The following HSPG2 variants were observed in gnomAD, a reference collection of about 807,000 sequenced individuals.
HSPG2 encodes the protein heparan sulfate proteoglycan 2, also known as basement membrane-specific heparan sulfate proteoglycan core protein.
HSPG2 carries 278 observed loss-of-function variants against 526.6 expected under a neutral mutation model. The ratio of observed to expected loss-of-function variants is 0.53; its 90% CI spans 0.48 to 0.58. The LOEUF (loss-of-function observed/expected upper bound fraction) is 0.58, where lower values mean the gene tolerates loss of function less well. Ranked by LOEUF, HSPG2 falls within the 20% of genes least tolerant of loss-of-function variation. The probability of loss-of-function intolerance (pLI) is 0.00; values close to 1 mark genes in which losing one functional copy is unlikely to be tolerated. For missense variants in HSPG2, 5,354 were observed against 6,099.5 expected, an observed-to-expected ratio of 0.88 and a Z score of 4.07; for synonymous variants, 2,465 against 2,555.4, an observed-to-expected ratio of 0.96 and a Z score of 1.07.
rs752605742 is a variant in HSPG2 at position 21,864,087 on chromosome 1, G to C, written c.4740+13C>G. On this transcript the variant is annotated intron_variant, in intron 37 of 96. Coordinates refer to ENST00000374695, the MANE Select transcript of HSPG2 (RefSeq NM_005529.7). The surrounding 1 kb of genome is among the most constrained non-coding windows in gnomAD (Gnocchi z 4.8). ...TGAGCTGACCCCCTGTCCTGGCCTC[G>C]CTTGCAGCTCACCGAGCAGGCCCCA... 15 of 1,544,694 alleles carry C rather than the reference G, an allele frequency of 9.7e-6. No individual in the cohort carries two copies. Among genetic ancestry groups the C allele is most frequent in the Admixed American group, 2.0e-5 (1 of 51,058 alleles).
chr1:21,911,471 G>A (rs923207581), intron 1 of HSPG2, among the ~76,000 whole-genome samples: 2 of 151,518 alleles, frequency 1.3e-5, no homozygotes, highest in Admixed American at 6.6e-5. Context: ...GAGTGGGGGT[G>A]TGGAGGGGGT....
Position 21,822,250 on chromosome 1 carries a change from G to C in HSPG2, c.*1066C>G, listed in dbSNP as rs200353436. On this transcript the variant is annotated 3_prime_UTR_variant, in exon 97 of 97. Transcript: ENST00000374695. ...CAAAGACTCAGGAGGCCCCTGGCGG[G>C]GATAGCACCGTTTATTAAGAAAAAT... The C allele has an allele frequency of 6.3e-7, 1 of 1,599,520 alleles. No individual in the cohort carries two copies.
chr1:21,896,138 C>G, intron 2 of HSPG2, 37 bp downstream of exon 2: 1 of 1,613,612 alleles, frequency 6.2e-7, no homozygotes, highest in Non-Finnish European at 8.5e-7. Context: ...GTCTCACCCC[C>G]CACCCCTCTG....
At chr1:21,833,728 C>G in intron 78 of HSPG2, 88 bp downstream of exon 78, 1 of 1,548,658 alleles carries the variant, frequency 6.5e-7, no homozygotes, top group Non-Finnish European at 8.9e-7. Flanking sequence ...CTTGGCCAAG[C>G]CTGTGCCACA....
rs377202096 is a variant in HSPG2, at chr1:21,885,441, A to T, written c.1089T>A (p.Arg363=). 187 of 1,613,834 alleles carry T rather than the reference A, an allele frequency of 1.2e-4. No homozygotes were observed. The highest frequency in any genetic ancestry group is 4.9e-4 in the Middle Eastern group (3 of 6,082). ...GTGTGGGCCCGCACACTTCCTCAGGACGCTTGGTGGCTGGGGACAAAGCCA... is the reference window on the plus strand; with the variant it reads ...GTGTGGGCCCGCACACTTCCTCAGGTCGCTTGGTGGCTGGGGACAAAGCCA... ...RTDEANCPTK[R]PEEVCGPTQF... is the part of the protein sequence containing the mutation. Residue 363 remains arginine (R), a synonymous_variant, in exon 10 of 97, where the codon CGT becomes CGA. Coordinates refer to ENST00000374695, the MANE Select transcript of HSPG2 (RefSeq NM_005529.7).
chr1:21,843,791 C>CAGATT (rs1449747645), intron 65 of HSPG2, among the ~76,000 whole-genome samples: 4 of 152,184 alleles, frequency 2.6e-5, no homozygotes, highest in African/African-American at 9.7e-5. Context: ...GGATTACAGG[C>CAGATT]ATCTGCCACC....
At chr1:21,927,270 AG>A (rs1022200218) in intron 1 of HSPG2, among the ~76,000 whole-genome samples, 1 of 144,844 alleles carries the variant, frequency 6.9e-6, no homozygotes, top group East Asian at 1.9e-4. Context: ...CCTGATGGGG[AG>A]GGGGGACACA....
Position 21,839,647 on chromosome 1 carries a change from C to T in HSPG2, c.9710-97G>A. 4 of 1,472,992 alleles carry T rather than the reference C, an allele frequency of 2.7e-6. No individual in the cohort carries two copies. Among genetic ancestry groups the T allele is most frequent in the Non-Finnish European group, 3.7e-6 (4 of 1,072,976 alleles). 91.2% of individuals were successfully genotyped at this position (1,472,992 alleles called of 1,614,324 possible). A position where few individuals can be genotyped will look rare whatever the true frequency, so the allele number is the denominator to read the frequency against. Reference sequence around the variant, plus strand: ...AGGAAGGGCCCTGGGTGATCCTGTCCCTCTATGGGGACCCCAGTTGGGTTC... The same window carrying T: ...AGGAAGGGCCCTGGGTGATCCTGTCTCTCTATGGGGACCCCAGTTGGGTTC... On this transcript the variant is annotated intron_variant, in intron 72 of 96. Coordinates refer to ENST00000374695, the MANE Select transcript of HSPG2 (RefSeq NM_005529.7). This position sits in a 1 kb window ranked among gnomAD's most constrained non-coding sequence, Gnocchi z 4.5.
rs1557707870 is a variant in HSPG2, at chr1:21,847,775, AGGTCTGCCCTTCCACCACCGTGG to A, written c.7916_7938del (p.Pro2639LeufsTer44). 8.7e-6 allele frequency: 14 copies of A among 1,613,528 alleles called. No individual in the cohort carries two copies. Among genetic ancestry groups the A allele is most frequent in the Non-Finnish European group, 1.1e-5 (13 of 1,179,946 alleles). ...CTGGCGACCACGCAGTTCAGATCCAAGGTCTGCCCTTCCACCACCGTGGGGGAAGACGACTCGATCCTGATCGG... is the reference window on the plus strand; with the variant it reads ...CTGGCGACCACGCAGTTCAGATCCAAGGGAAGACGACTCGATCCTGATCGG... On this transcript the variant is annotated frameshift_variant, in exon 61 of 97. Transcript: ENST00000374695. LOFTEE classifies it high-confidence loss of function. The surrounding 1 kb of genome is among the most constrained non-coding windows in gnomAD (Gnocchi z 4.1).
Position 21,829,419 on chromosome 1 carries a change from C to T in HSPG2, c.11956G>A (p.Gly3986Ser), listed in dbSNP as rs748415166. 1.2e-6 allele frequency: 2 copies of T among 1,613,272 alleles called. No homozygotes were observed. The highest frequency in any genetic ancestry group is 1.3e-5 in the African/African-American group (1 of 74,910). The change falls in exon 87 of 97, where the codon GGC becomes AGC. Residue 3986 changes from glycine (G) to serine (S), a missense_variant. Gly to Ser is a moderately conservative substitution (Grantham distance 56). Coordinates refer to ENST00000374695, the MANE Select transcript of HSPG2 (RefSeq NM_005529.7). ...VEDFVSLAMV[G>S]GHLEFRYELG... Reference sequence around the variant, plus strand: ...TCATAGCGGAACTCCAGGTGGCCGCCCACCATCGCCAGGGACACGAAGTCC... The same window carrying T: ...TCATAGCGGAACTCCAGGTGGCCGCTCACCATCGCCAGGGACACGAAGTCC...
chr1:21,822,562 G>T lies in HSPG2; in HGVS notation c.*754C>A. 2 of 333,304 alleles carry T rather than the reference G, an allele frequency of 6.0e-6. No individual in the cohort carries two copies. Among genetic ancestry groups the T allele is most frequent in the Non-Finnish European group, 5.7e-6 (1 of 174,118 alleles). 20.6% of individuals were successfully genotyped at this position (333,304 alleles called of 1,614,324 possible). A position where few individuals can be genotyped will look rare whatever the true frequency, so the allele number is the denominator to read the frequency against. On this transcript the variant is annotated 3_prime_UTR_variant, in exon 97 of 97. Coordinates refer to ENST00000374695, the MANE Select transcript of HSPG2 (RefSeq NM_005529.7). ...GATGGGTGGGGATGTGGCCTGGGGT[G>T]GGCGGGGCCCGGTGGGCGGGGCCCT... is the stretch of plus-strand genomic sequence containing the variant.
chr1:21,904,377 G>A lies in HSPG2; in HGVS notation c.64-8067C>T, dbSNP rs74062210. ...GCTGGAGAGGGCACGGCACGTTCGCGGGGTGGGAGGAAGCCTGGTGCAGCG... is the reference window on the plus strand; with the variant it reads ...GCTGGAGAGGGCACGGCACGTTCGCAGGGTGGGAGGAAGCCTGGTGCAGCG... On this transcript the variant is annotated intron_variant, in intron 1 of 96. Coordinates refer to ENST00000374695, the MANE Select transcript of HSPG2 (RefSeq NM_005529.7). This position sits in a 1 kb window ranked among gnomAD's most constrained non-coding sequence, Gnocchi z 4.4. Among the ~76,000 whole-genome samples, 1,995 of 152,324 alleles carry A rather than the reference G, an allele frequency of 0.013. 42 individuals carry two copies. Among genetic ancestry groups the A allele is most frequent in the African/African-American group, 0.045 (1,884 of 41,562 alleles).
Position 21,887,081 on chromosome 1 carries a change from C to T in HSPG2, c.1078+134G>A. On this transcript the variant is annotated intron_variant, in intron 9 of 96. Transcript: ENST00000374695. This position sits in a 1 kb window ranked among gnomAD's most constrained non-coding sequence, Gnocchi z 5.0. ...TCCGCACTCAGCCAGGGAGAGCAAA[C>T]AAACAGGCTTGGGGGACTGGGGAGG... is the stretch of plus-strand genomic sequence containing the variant. 2.1e-6 allele frequency: 2 copies of T among 958,510 alleles called. No individual in the cohort carries two copies. Among genetic ancestry groups the T allele is most frequent in the South Asian group, 1.5e-5 (1 of 66,784 alleles). 59.4% of individuals were successfully genotyped at this position (958,510 alleles called of 1,614,324 possible). A position where few individuals can be genotyped will look rare whatever the true frequency, so the allele number is the denominator to read the frequency against.
chr1:21,896,325 G>T lies in HSPG2; in HGVS notation c.64-15C>A. ...CCATGGGTCACCTGTAAGCAAACGA[G>T]AGCTGATTGAGTCACTCTCTCCAGC... On this transcript the variant is annotated splice_polypyrimidine_tract_variant and intron_variant, in intron 1 of 96. Coordinates refer to ENST00000374695, the MANE Select transcript of HSPG2 (RefSeq NM_005529.7). The T allele has an allele frequency of 6.2e-7, 1 of 1,611,290 alleles. No individual in the cohort carries two copies.
rs6426726 is a variant in HSPG2, at chr1:21,848,538, G to T, written c.7737+105C>A. 275,751 of 1,338,300 alleles carry T rather than the reference G, an allele frequency of 0.21. 29,133 individuals are homozygous for T. Among genetic ancestry groups the T allele is most frequent in the Admixed American group, 0.3 (18,132 of 59,550 alleles). 82.9% of individuals were successfully genotyped at this position (1,338,300 alleles called of 1,614,324 possible). ...CATCCAGCAAGGATACTCAATGTTT[G>T]TTGAATGACTGAATGAGCACAGAGT... On this transcript the variant is annotated intron_variant, in intron 59 of 96. Transcript: ENST00000374695. The surrounding 1 kb of genome is among the most constrained non-coding windows in gnomAD (Gnocchi z 4.9).
Position 21,848,910 on chromosome 1 carries a change from C to G in HSPG2, c.7568G>C (p.Arg2523Pro). ...EASVLVTIQQ[R>P]LSGSHSQGVA... ...ACACTCACAGTGGGAGCCACTAAGG[C>G]GCTGCTGGATGGTGACAAGGACTGA... The change falls in exon 58 of 97, where the codon CGC becomes CCC. Residue 2523 changes from arginine to proline, a missense_variant. Coordinates refer to ENST00000374695, the MANE Select transcript of HSPG2 (RefSeq NM_005529.7). The surrounding 1 kb of genome is among the most constrained non-coding windows in gnomAD (Gnocchi z 4.9). The G allele has an allele frequency of 1.2e-6, 2 of 1,613,936 alleles. No homozygotes were observed. Among genetic ancestry groups the G allele is most frequent in the South Asian group, 2.2e-5 (2 of 91,080 alleles).
rs766951113 is a variant in HSPG2, at chr1:21,839,378, G to A, written c.9882C>T (p.His3294=). 1.9e-5 allele frequency: 30 copies of A among 1,612,490 alleles called. No individual in the cohort carries two copies. Among genetic ancestry groups the A allele is most frequent in the Middle Eastern group, 1.6e-4 (1 of 6,082 alleles). ...AGHAEATIIL[H]VESPPYATTV... ...GAAGGGATGAGGCCTTACTCTCCAC[G>A]TGCAGGATGATGGTGGCCTCAGCGT... The change falls in exon 73 of 97, where the codon CAC becomes CAT. Residue 3294 remains histidine, a synonymous_variant. Transcript: ENST00000374695. This position sits in a 1 kb window ranked among gnomAD's most constrained non-coding sequence, Gnocchi z 4.5.
chr1:21,932,965 T>C (rs1462424698), intron 1 of HSPG2, among the ~76,000 whole-genome samples: 1 of 152,172 alleles, frequency 6.6e-6, no homozygotes, highest in Non-Finnish European at 1.5e-5. Flanking sequence ...ACGCCTATAA[T>C]CCTAGCACTT....
intron 6 of HSPG2, 84 bp from the exon 7 acceptor site, chr1:21,888,150 G>A: frequency 6.4e-7 from 1 of 1,572,252 alleles, no homozygotes. Flanking sequence ...GGCTGGAGTG[G>A]GCTCCAGGGC....
Sources: allele counts gnomAD v4.1 joint callset (sites outside exome capture counted in the v4.1 genomes callset), GRCh38; gene constraint gnomAD v4.1.1; non-coding constraint Gnocchi (gnomAD v3.1); transcripts MANE v1.5; gene names NCBI Gene and HGNC (gene_info 2026-07-23, HGNC 2026-07-21).